RFX3: variants seen among roughly 807,000 people sequenced by gnomAD.
The protein encoded by RFX3 is transcription factor RFX3.
In RFX3, 14 loss-of-function variants were observed where a neutral mutation model predicts 98.6. The ratio of observed to expected loss-of-function variants is 0.14; its 90% CI spans 0.09 to 0.22. The LOEUF (loss-of-function observed/expected upper bound fraction) is 0.22. Among genes scored for constraint, RFX3 ranks in the 10% least tolerant of loss-of-function variants. RFX3 has a pLI of 1.00. For synonymous variants in RFX3, 383 were observed against 328.4 expected, an observed-to-expected ratio of 1.17 and a Z score of -1.80; for missense variants, 639 against 926.9, an observed-to-expected ratio of 0.69 and a Z score of 4.03.
chr9:3,265,562 C>A (rs1224815889), intron 12 of RFX3, among the ~76,000 whole-genome samples: 1 of 152,106 alleles, frequency 6.6e-6, no homozygotes, highest in East Asian at 1.9e-4. Flanking sequence ...TAGAAATAGT[C>A]CAATCTTGCT....
chr9:3,332,562 C>T (rs1403709266), intron 3 of RFX3, among the ~76,000 whole-genome samples: 2 of 152,166 alleles, frequency 1.3e-5, no homozygotes, highest in Non-Finnish European at 2.9e-5. Context: ...AATCTATCTC[C>T]AACTTTGCTG....
At chr9:3,383,764 T>C (rs564330859) in intron 2 of RFX3, among the ~76,000 whole-genome samples, 12 of 152,234 alleles carry the variant, frequency 7.9e-5, no homozygotes, top group South Asian at 2.1e-4. Flanking sequence ...TTTTATTTTG[T>C]TTCAGGCAGG....
intron 1 of RFX3, among the ~76,000 whole-genome samples, chr9:3,436,238 A>G (rs1002910694): frequency 2.4e-4 from 36 of 152,162 alleles, no homozygotes; most frequent in African/African-American, 8.2e-4. Context: ...AAGTTATCCC[A>G]ATATCCTTCT....
At chr9:3,243,983 T>C (rs1200982489) in intron 15 of RFX3, among the ~76,000 whole-genome samples, 2 of 148,472 alleles carry the variant, frequency 1.3e-5, no homozygotes, top group African/African-American at 5.0e-5. Context: ...GTCTCATTTC[T>C]TCTTCTTTTT....
intron 14 of RFX3, among the ~76,000 whole-genome samples, chr9:3,249,535 G>A (rs965431947): frequency 2.0e-5 from 3 of 152,118 alleles, no homozygotes; most frequent in Non-Finnish European, 4.4e-5. Context: ...AAATATAAGT[G>A]ATTGTGATTA....
chr9:3,327,854 T>A (rs977032259), intron 4 of RFX3, among the ~76,000 whole-genome samples: 1 of 151,616 alleles, frequency 6.6e-6, no homozygotes, highest in Non-Finnish European at 1.5e-5. Flanking sequence ...CCACCTTTCA[T>A]ACATACATAC....
intron 1 of RFX3, among the ~76,000 whole-genome samples, chr9:3,455,001 T>C (rs375001798): frequency 1.3e-5 from 2 of 152,106 alleles, no homozygotes; most frequent in African/African-American, 4.8e-5. Flanking sequence ...CCCTGACAAG[T>C]CCCATTTCTT....
At chr9:3,415,430 T>C (rs1188176157) in intron 1 of RFX3, among the ~76,000 whole-genome samples, 4 of 151,782 alleles carry the variant, frequency 2.6e-5, no homozygotes, top group African/African-American at 7.3e-5. Flanking sequence ...ATTTTTAATA[T>C]ACACAATAAT....
At chr9:3,254,240 A>C (rs571653673) in intron 14 of RFX3, among the ~76,000 whole-genome samples, 1 of 151,048 alleles carries the variant, frequency 6.6e-6, no homozygotes, top group African/African-American at 2.4e-5. Flanking sequence ...GGCTCCAGGG[A>C]TGTATTTCTA....
chr9:3,241,035 C>A (rs1256584118), intron 15 of RFX3, among the ~76,000 whole-genome samples: 1 of 152,138 alleles, frequency 6.6e-6, no homozygotes, highest in Non-Finnish European at 1.5e-5. Flanking sequence ...CTACAGTGAC[C>A]ATTTTAGTCC....
intron 15 of RFX3, among the ~76,000 whole-genome samples, chr9:3,230,775 G>A (rs1479318126): frequency 6.6e-6 from 1 of 152,164 alleles, no homozygotes. Context: ...CTGATAAAAA[G>A]TGAGTATTCT....
At chr9:3,405,186 T>A (rs1327175252) in intron 1 of RFX3, among the ~76,000 whole-genome samples, 1 of 152,060 alleles carries the variant, frequency 6.6e-6, no homozygotes, top group African/African-American at 2.4e-5. Flanking sequence ...GAAGTTTAAT[T>A]GCGTCCCTTT....
chr9:3,505,253 A>C (rs1414142038), intron 1 of RFX3, among the ~76,000 whole-genome samples: 1 of 71,718 alleles, frequency 1.4e-5, no homozygotes, highest in African/African-American at 1.0e-4. Context: ...TATATATATG[A>C]ATATATATTT....
At chr9:3,284,649 G>T (rs1396334238) in intron 7 of RFX3, among the ~76,000 whole-genome samples, 1 of 151,598 alleles carries the variant, frequency 6.6e-6, no homozygotes, top group Non-Finnish European at 1.5e-5. Context: ...AGGTCCATTT[G>T]CCCCTCCACG....
intron 3 of RFX3, among the ~76,000 whole-genome samples, chr9:3,342,939 C>G (rs1189910174): frequency 6.6e-6 from 1 of 152,182 alleles, no homozygotes; most frequent in African/African-American, 2.4e-5. Context: ...ATTACCTTCT[C>G]CCTTGAGCAA....
chr9:3,357,256 C>T (rs1438687853), intron 2 of RFX3, among the ~76,000 whole-genome samples: 1 of 151,982 alleles, frequency 6.6e-6, no homozygotes, highest in Non-Finnish European at 1.5e-5. Context: ...AGCCTCTCCG[C>T]TCCTTTATAA....
At chr9:3,363,036 A>T (rs184177879) in intron 2 of RFX3, among the ~76,000 whole-genome samples, 1 of 152,226 alleles carries the variant, frequency 6.6e-6, no homozygotes, top group African/African-American at 2.4e-5. Context: ...GTAGCATTTT[A>T]TCAGGATTAT....
intron 2 of RFX3, among the ~76,000 whole-genome samples, chr9:3,356,603 A>G (rs1017985910): frequency 3.3e-5 from 5 of 151,954 alleles, no homozygotes; most frequent in African/African-American, 1.2e-4. Context: ...ACAGAGAACA[A>G]CAGAACCTCT....
chr9:3,271,996 T>A (rs1824553015), intron 9 of RFX3, among the ~76,000 whole-genome samples: 2 of 152,156 alleles, frequency 1.3e-5, no homozygotes, highest in Admixed American at 1.3e-4. Flanking sequence ...TTTCTCCTTT[T>A]TTATCTCCTA....
Sources: allele counts gnomAD v4.1 joint callset (sites outside exome capture counted in the v4.1 genomes callset), GRCh38; gene constraint gnomAD v4.1.1; transcripts MANE v1.5; gene names NCBI Gene and HGNC (gene_info 2026-07-23, HGNC 2026-07-21).